The following COG5 variants were observed in gnomAD, a reference collection of about 807,000 sequenced individuals.
The protein encoded by COG5 is conserved oligomeric Golgi complex subunit 5.
In COG5, 86 loss-of-function variants were observed where a neutral mutation model predicts 110.4. The ratio of observed to expected loss-of-function variants is 0.78; its 90% CI spans 0.65 to 0.93. COG5 has a LOEUF of 0.93. Among genes scored for constraint, COG5 ranks in the 40% least tolerant of loss-of-function variants. The pLI, the probability that COG5 is intolerant of heterozygous loss-of-function variation, is 0.00. For missense variants in COG5, 1,077 were observed against 987.0 expected, an observed-to-expected ratio of 1.09 and a Z score of -1.22; for synonymous variants, 360 against 334.6, an observed-to-expected ratio of 1.08 and a Z score of -0.83.
At chr7:107,268,297 T>C (rs1229741035) in intron 14 of COG5, among the ~76,000 whole-genome samples, 3 of 152,296 alleles carry the variant, frequency 2.0e-5, no homozygotes, top group Non-Finnish European at 4.4e-5. Flanking sequence ...AGTCCAACAA[T>C]AATATTCAGT....
intron 6 of COG5, among the ~76,000 whole-genome samples, chr7:107,493,917 T>C (rs980375250): frequency 7.2e-5 from 11 of 152,130 alleles, no homozygotes; most frequent in Non-Finnish European, 1.2e-4. Flanking sequence ...AGAAAATAAA[T>C]TGTTAAATAG....
At chr7:107,309,474 AG>A (rs1244242986) in intron 11 of COG5, among the ~76,000 whole-genome samples, 1 of 152,192 alleles carries the variant, frequency 6.6e-6, no homozygotes, top group Non-Finnish European at 1.5e-5. Context: ...GAACAGAGGT[AG>A]GCAGAAGCTT....
chr7:107,281,884 T>C (rs1465910206), intron 13 of COG5, among the ~76,000 whole-genome samples: 1 of 152,126 alleles, frequency 6.6e-6, no homozygotes, highest in Non-Finnish European at 1.5e-5. Context: ...GAGTAGCTTT[T>C]TAAATAATAT....
At chr7:107,484,602 T>C (rs1328120563) in intron 6 of COG5, among the ~76,000 whole-genome samples, 1 of 152,164 alleles carries the variant, frequency 6.6e-6, no homozygotes, top group African/African-American at 2.4e-5. Flanking sequence ...TCCACAACTA[T>C]ATACACTTAA....
At chr7:107,296,602 TA>T (rs1184124508) in intron 12 of COG5, among the ~76,000 whole-genome samples, 25 of 132,626 alleles carry the variant, frequency 1.9e-4, no homozygotes, top group African/African-American at 7.1e-4. Flanking sequence ...TTTTTTTTTT[TA>T]AAGAGAGACA....
chr7:107,350,884 C>G (rs962644311), intron 10 of COG5, among the ~76,000 whole-genome samples: 28 of 152,186 alleles, frequency 1.8e-4, no homozygotes, highest in Non-Finnish European at 3.5e-4. Context: ...TGTGCATTCA[C>G]CTATCACTCA....
At chr7:107,276,491 G>A (rs986594034) in intron 14 of COG5, among the ~76,000 whole-genome samples, 6 of 152,200 alleles carry the variant, frequency 3.9e-5, no homozygotes, top group South Asian at 4.1e-4. Flanking sequence ...GTAATGTGGC[G>A]AGACCCTCCA....
intron 14 of COG5, among the ~76,000 whole-genome samples, chr7:107,264,725 G>A (rs1803660875): frequency 6.6e-6 from 1 of 151,794 alleles, no homozygotes; most frequent in Non-Finnish European, 1.5e-5. Flanking sequence ...ACGAACCCCA[G>A]AAAATGGATC....
intron 7 of COG5, among the ~76,000 whole-genome samples, chr7:107,393,378 A>C (rs1790763981): frequency 6.6e-6 from 1 of 152,188 alleles, no homozygotes; most frequent in Non-Finnish European, 1.5e-5. Flanking sequence ...GATCTGTAGA[A>C]AACAGTATAC....
intron 6 of COG5, among the ~76,000 whole-genome samples, chr7:107,433,999 A>T (rs753570274): frequency 3.3e-5 from 5 of 152,250 alleles, no homozygotes; most frequent in Non-Finnish European, 5.9e-5. Context: ...TGGGCAAAGA[A>T]TATAAATAGA....
chr7:107,464,965 T>C (rs1563050482), intron 6 of COG5, among the ~76,000 whole-genome samples: 1 of 152,190 alleles, frequency 6.6e-6, no homozygotes, highest in Non-Finnish European at 1.5e-5. Context: ...TCAAGGTTGC[T>C]AGCTACAACC....
chr7:107,363,580 T>C (rs531358021), intron 8 of COG5, among the ~76,000 whole-genome samples: 22 of 151,218 alleles, frequency 1.5e-4, no homozygotes, highest in African/African-American at 5.3e-4. Context: ...ATGACAGAAT[T>C]AGAAAAAAAA....
intron 6 of COG5, among the ~76,000 whole-genome samples, chr7:107,504,580 T>G (rs1029386699): frequency 6.6e-6 from 1 of 152,212 alleles, no homozygotes; most frequent in African/African-American, 2.4e-5. Flanking sequence ...TGATACCAGT[T>G]CATCTTTGAA....
At chr7:107,452,521 A>G (rs1014920189) in intron 6 of COG5, among the ~76,000 whole-genome samples, 7 of 152,118 alleles carry the variant, frequency 4.6e-5, no homozygotes, top group African/African-American at 1.4e-4. Flanking sequence ...TTGATAGTGA[A>G]TAAGTCTCAC....
At chr7:107,506,437 C>T (rs1317981131) in intron 6 of COG5, among the ~76,000 whole-genome samples, 1 of 152,140 alleles carries the variant, frequency 6.6e-6, no homozygotes, top group Non-Finnish European at 1.5e-5. Flanking sequence ...TGCTCTGACT[C>T]TCCACAAGTG....
chr7:107,509,806 A>G (rs906176129), intron 6 of COG5, among the ~76,000 whole-genome samples: 7 of 152,208 alleles, frequency 4.6e-5, no homozygotes, highest in African/African-American at 1.2e-4. Flanking sequence ...ACTAAGCTTC[A>G]TAAGTGAAGG....
chr7:107,465,040 G>A (rs911309470), intron 6 of COG5, among the ~76,000 whole-genome samples: 3 of 152,082 alleles, frequency 2.0e-5, no homozygotes, highest in Non-Finnish European at 4.4e-5. Context: ...CAGCATATCC[G>A]GCAAGAATGT....
chr7:107,408,914 C>T (rs1348214341), intron 7 of COG5, among the ~76,000 whole-genome samples: 1 of 152,062 alleles, frequency 6.6e-6, no homozygotes, highest in Non-Finnish European at 1.5e-5. Context: ...TGGTCTTTTT[C>T]TTGAGCCCTC....
At chr7:107,279,512 A>T (rs1181220761) in intron 14 of COG5, among the ~76,000 whole-genome samples, 2 of 152,118 alleles carry the variant, frequency 1.3e-5, no homozygotes, top group African/African-American at 4.8e-5. Flanking sequence ...AAATTATTCT[A>T]AAAAAATAGG....
Sources: allele counts gnomAD v4.1 joint callset (sites outside exome capture counted in the v4.1 genomes callset), GRCh38; gene constraint gnomAD v4.1.1; transcripts MANE v1.5; gene names NCBI Gene and HGNC (gene_info 2026-07-23, HGNC 2026-07-21).